Variants in DIDO1 observed in about 807,000 individuals in gnomAD.
DIDO1 encodes death inducer-obliterator 1.
A neutral mutation model predicts 99.4 loss-of-function variants in DIDO1; 16 were observed. The observed-to-expected ratio is 0.16, with a 90% confidence interval of 0.11 to 0.24. The LOEUF is 0.24. DIDO1 is among the 10% of genes least tolerant of loss of function. The pLI is 1.00. For missense variants in DIDO1, 2,996 were observed against 3,014.0 expected (o/e 0.99, Z 0.14); for synonymous variants, 1,366 against 1,239.1 (o/e 1.10, Z -2.15).
intron 4 of DIDO1, among the ~76,000 whole-genome samples, chr20:62,908,006 G>T (rs570206827): frequency 1.3e-5 from 2 of 152,014 alleles, no homozygotes; most frequent in Non-Finnish European, 1.5e-5. Context: ...TTGAGACAGG[G>T]TCTCGCTCTG....
Position 62,881,348 on chromosome 20 carries a change from C to G in DIDO1, c.4608G>C (p.Gln1536His), listed in dbSNP as rs766917205. The G allele has an allele frequency of 1.2e-6, 2 of 1,605,340 alleles. No individual in the cohort carries two copies. The highest frequency in any genetic ancestry group is 1.7e-6 in the Non-Finnish European group (2 of 1,179,894). The change falls in exon 16 of 16, where the codon CAG becomes CAC. Residue 1536 changes from glutamine (Q) to histidine (H), a missense_variant. Gln to His is a conservative substitution (Grantham distance 24). Coordinates refer to ENST00000395343, the MANE Select transcript of DIDO1 (RefSeq NM_001193369.2). This position sits in a 1 kb window ranked among gnomAD's most constrained non-coding sequence, Gnocchi z 8.3. The part of the protein sequence containing the change: ...KSSLPKAELF[Q>H]QEQQSADKPA... ...GCTTGTCTGCAGACTGCTGCTCTTG[C>G]TGGAACAGCTCTGCCTTGGGCAAGG...
At chr20:62,900,196 CCA>C (rs2064635326) in intron 6 of DIDO1, among the ~76,000 whole-genome samples, 1 of 152,230 alleles carries the variant, frequency 6.6e-6, no homozygotes, top group Non-Finnish European at 1.5e-5. Flanking sequence ...CTGCCCCTCC[CCA>C]CACCTCTCTG....
chr20:62,901,690 T>C (rs771884378), intron 6 of DIDO1, among the ~76,000 whole-genome samples: 4 of 152,114 alleles, frequency 2.6e-5, no homozygotes, highest in African/African-American at 4.8e-5. Context: ...CTTCCAGGTT[T>C]GCGGCAAATG....
Position 62,910,963 on chromosome 20 carries a change from T to C in DIDO1, c.650A>G (p.Gln217Arg), listed in dbSNP as rs549439173. The C allele has an allele frequency of 1.2e-5, 20 of 1,614,066 alleles. No homozygotes were observed. Among genetic ancestry groups the C allele is most frequent in the South Asian group, 4.4e-5 (4 of 91,084 alleles). ...DTVEGVLPSKQEPENDQGVVS... is the reference protein window; with the variant it reads ...DTVEGVLPSKREPENDQGVVS... ...AACCCCCTGATCGTTCTCGGGCTCC[T>C]GCTTACTGGGCAGGACGCCCTCCAC... Residue 217 changes from glutamine (Q) to arginine (R), a missense_variant, in exon 3 of 16, where the codon CAG (glutamine) becomes CGG (arginine). Physicochemically the swap from Gln to Arg is conservative, Grantham distance 43. This residue lies in a region of DIDO1 where 388 missense variants were observed against 376.6 expected (regional missense o/e 1.03). Coordinates refer to ENST00000395343, the MANE Select transcript of DIDO1 (RefSeq NM_001193369.2).
Position 62,893,819 on chromosome 20 carries a change from G to A in DIDO1, c.2948C>T (p.Ala983Val), listed in dbSNP as rs1568842868. The change falls in exon 12 of 16, where the codon GCA (alanine) becomes GTA (valine). Residue 983 changes from alanine (A) to valine (V), a missense_variant. Physicochemically the swap from Ala to Val is moderately conservative, Grantham distance 64. Transcript: ENST00000395343. Reference protein sequence around the residue: ...SSSCTAVASAASRPDSTHMVE... With the variant: ...SSSCTAVASAVSRPDSTHMVE... ...CATGTGGGTGCTGTCTGGGCGGGATGCTGCGGAGGCCACGGCTGTGCATGA... is the reference window on the plus strand; with the variant it reads ...CATGTGGGTGCTGTCTGGGCGGGATACTGCGGAGGCCACGGCTGTGCATGA... The A allele has an allele frequency of 3.1e-6, 5 of 1,614,008 alleles. No homozygotes were observed. The highest frequency in any genetic ancestry group is 2.7e-5 in the African/African-American group (2 of 74,944).
At position 62,879,296 on chromosome 20, in the gene DIDO1, G is replaced by A; in HGVS notation, c.6660C>T (p.Ser2220=). The part of the protein sequence containing the change: ...DRKDRSKSKE[S]ARDPKPEASR... The stretch of plus-strand genomic sequence containing the variant: ...AGGCCTCGGGCTTCGGGTCCCGAGC[G>A]CTCTCTTTGCTCTTGCTCCGGTCCT... Residue 2220 remains serine (S), a synonymous_variant, in exon 16 of 16, where the codon AGC becomes AGT. Coordinates refer to ENST00000395343, the MANE Select transcript of DIDO1 (RefSeq NM_001193369.2). This position sits in a 1 kb window ranked among gnomAD's most constrained non-coding sequence, Gnocchi z 6.3. 4 of 1,577,764 alleles carry A rather than the reference G, an allele frequency of 2.5e-6. No homozygotes were observed. The highest frequency in any genetic ancestry group is 2.3e-5 in the South Asian group (2 of 86,722).
rs1353294669 is a variant in DIDO1, at chr20:62,896,483, G to A, written c.2054+48C>T. ...GGCAATCCTGCAGCCACACTCTAAT[G>A]AAAGCCCTTCCATTTTAATGGGTAA... On this transcript the variant is annotated intron_variant, in intron 7 of 15. Coordinates refer to ENST00000395343, the MANE Select transcript of DIDO1 (RefSeq NM_001193369.2). The surrounding 1 kb of genome is among the most constrained non-coding windows in gnomAD (Gnocchi z 4.4). 1 of 1,583,404 alleles carries A rather than the reference G, an allele frequency of 6.3e-7. No homozygotes were observed. The highest frequency in any genetic ancestry group is 8.6e-7 in the Non-Finnish European group (1 of 1,167,828).
rs563472997 is a variant in DIDO1 at position 62,887,779 on chromosome 20, A to G, written c.3541+3181T>C. On this transcript the variant is annotated intron_variant, in intron 15 of 15. Coordinates refer to ENST00000395343, the MANE Select transcript of DIDO1 (RefSeq NM_001193369.2). ...AGACAGGCCGGGACTCTGCGACCCC[A>G]AGTCCCTGCGGGGGGCCCTGTTGGT... 5.3e-5 allele frequency: 52 copies of G among 985,346 alleles called. No individual in the cohort carries two copies. The African/African-American group carries it at 8.5e-4, about 16-fold the overall frequency. The allele number at this position is 985,346 out of a possible 1,614,324, so 61.0% of individuals were successfully genotyped here. A position where few individuals can be genotyped will look rare whatever the true frequency, so the allele number is the denominator to read the frequency against.
chr20:62,921,083 A>G (rs2065127329), intron 1 of DIDO1, among the ~76,000 whole-genome samples: 1 of 152,030 alleles, frequency 6.6e-6, no homozygotes, highest in Admixed American at 6.6e-5. Flanking sequence ...TTTAGTAGAG[A>G]AAGGGTTTCA....
chr20:62,905,063 A>C (rs1204622372), intron 6 of DIDO1: 1 of 990,870 alleles, frequency 1.0e-6, no homozygotes, highest in Non-Finnish European at 1.2e-6. Flanking sequence ...TTAAAATTGC[A>C]CCACAGAATC....
intron 12 of DIDO1, 134 bp from the exon 13 acceptor site, chr20:62,893,096 G>T: frequency 1.1e-6 from 1 of 932,156 alleles, no homozygotes; most frequent in Non-Finnish European, 1.6e-6. Context: ...GTGCAACACA[G>T]CTGGCTGCAG....
chr20:62,912,374 A>T (rs1396221660), intron 2 of DIDO1, among the ~76,000 whole-genome samples: 2 of 152,138 alleles, frequency 1.3e-5, no homozygotes, highest in African/African-American at 4.8e-5. Context: ...GTTAGCAGCA[A>T]GACAACTGGG....
rs1237341662 is a variant in DIDO1 at position 62,880,029 on chromosome 20, G to C, written c.5927C>G (p.Pro1976Arg). ...QFEDQRVHSP[P>R]RFTNQRAPAP... ...AGGCGCCCTTTGGTTTGTGAATCTTGGTGGTGAATGGACCCTCTGGTCTTC... is the reference window on the plus strand; with the variant it reads ...AGGCGCCCTTTGGTTTGTGAATCTTCGTGGTGAATGGACCCTCTGGTCTTC... Residue 1976 changes from proline (P) to arginine (R), a missense_variant, in exon 16 of 16, where the codon CCA (proline) becomes CGA (arginine). Pro to Arg is a moderately radical substitution (Grantham distance 103, BLOSUM62 -2). Transcript: ENST00000395343. 6.2e-7 allele frequency: 1 copy of C among 1,611,328 alleles called. No individual in the cohort carries two copies.
intron 6 of DIDO1, among the ~76,000 whole-genome samples, chr20:62,899,926 A>G (rs1461451215): frequency 6.6e-6 from 1 of 152,236 alleles, no homozygotes; most frequent in Non-Finnish European, 1.5e-5. Context: ...CTGCTGCTGA[A>G]ATGGGGACAG....
intron 1 of DIDO1, among the ~76,000 whole-genome samples, chr20:62,932,643 C>T: frequency 6.6e-6 from 1 of 152,240 alleles, no homozygotes; most frequent in East Asian, 1.9e-4. Context: ...CCTCCTACCA[C>T]ATTTGTTTCA....
Position 62,911,470 on chromosome 20 carries a change from A to T in DIDO1, c.143T>A (p.Leu48Gln), listed in dbSNP as rs1223523196. Residue 48 changes from leucine to glutamine, a missense_variant, in exon 3 of 16, where the codon CTG (leucine) becomes CAG (glutamine). Coordinates refer to ENST00000395343, the MANE Select transcript of DIDO1 (RefSeq NM_001193369.2). This position sits in a 1 kb window ranked among gnomAD's most constrained non-coding sequence, Gnocchi z 7.0. Reference protein sequence around the residue: ...EGAGDAEADPLEPPPPQQQLG... With the variant: ...EGAGDAEADPQEPPPPQQQLG... ...CTGCTGCTGTGGGGGTGGCGGCTCCAGTGGGTCAGCCTCCGCGTCCCCTGC... is the reference window on the plus strand; with the variant it reads ...CTGCTGCTGTGGGGGTGGCGGCTCCTGTGGGTCAGCCTCCGCGTCCCCTGC... 3 of 1,612,094 alleles carry T rather than the reference A, an allele frequency of 1.9e-6. No homozygotes were observed. The African/African-American group carries it at 4.0e-5, about 22-fold the overall frequency.
upstream of DIDO1, chr20:62,929,389 C>T (rs2065300826): frequency 6.6e-6 from 1 of 152,396 alleles, no homozygotes; most frequent in African/African-American, 2.4e-5. Flanking sequence ...TGGGCTCCTC[C>T]TCTGCCCGCT....
chr20:62,899,145 G>A (rs1214442605), intron 6 of DIDO1, among the ~76,000 whole-genome samples: 1 of 152,220 alleles, frequency 6.6e-6, no homozygotes, highest in African/African-American at 2.4e-5. Context: ...GGTCTCCAGA[G>A]GCGGCAGACA....
Position 62,880,705 on chromosome 20 carries a change from G to A in DIDO1, c.5251C>T (p.Gln1751Ter). Reference protein sequence around the residue: ...QKVGGSQPPFQGQREPGPHAL... With the variant: ...QKVGGSQPPF ...TGAGGTCCAGGTTCCCGCTGACCCT[G>A]AAACGGGGGCTGAGAGCCCCCCACT... is the stretch of plus-strand genomic sequence containing the variant. Residue 1751 changes from glutamine (Q) to a stop codon, truncating the protein, a stop_gained, in exon 16 of 16, where the codon CAG (glutamine) becomes TAG (stop). Transcript: ENST00000395343. LOFTEE classifies it low-confidence loss of function (END_TRUNC). 1 of 1,612,738 alleles carries A rather than the reference G, an allele frequency of 6.2e-7. No individual in the cohort carries two copies. Among genetic ancestry groups the A allele is most frequent in the Non-Finnish European group, 8.5e-7 (1 of 1,179,898 alleles).
Sources: gnomAD v4.1 joint callset for allele counts (sites outside exome capture counted in the v4.1 genomes callset) on GRCh38, gnomAD v4.1.1 for gene constraint, gnomAD v4.1.1 regional missense constraint, Gnocchi (gnomAD v3.1) non-coding constraint, MANE v1.5 for transcripts, NCBI Gene and HGNC (gene_info 2026-07-23, HGNC 2026-07-21) for gene names.